Variants in RFX6 observed in about 807,000 individuals in gnomAD.
RFX6 encodes DNA-binding protein RFX6.
A neutral mutation model predicts 110.8 loss-of-function variants in RFX6; 50 were observed. That is an observed-to-expected ratio of 0.45 (90% CI 0.36 to 0.57). The LOEUF is 0.57. Among genes scored for constraint, RFX6 ranks in the 20% least tolerant of loss-of-function variants. The pLI, the probability that RFX6 is intolerant of heterozygous loss-of-function variation, is 0.00. For synonymous variants in RFX6, 383 were observed against 411.2 expected (o/e 0.93, Z 0.83); for missense variants, 990 against 1,127.0 (o/e 0.88, Z 1.74).
chr6:116,904,822 C>T (rs955945984), intron 6 of RFX6, among the ~76,000 whole-genome samples: 2 of 152,156 alleles, frequency 1.3e-5, no homozygotes, highest in Admixed American at 6.5e-5. Context: ...CAAGGTTCAT[C>T]CATGTTGTAG....
intron 6 of RFX6, among the ~76,000 whole-genome samples, chr6:116,909,651 GAA>G (rs1179437092): frequency 1.4e-5 from 2 of 141,558 alleles, no homozygotes; most frequent in Non-Finnish European, 3.0e-5. Context: ...GAATATACTT[GAA>G]AAGAGATTAA....
In RFX6 at chr6:116,922,155, CTTT is replaced by C; in HGVS notation, c.1437+7_1437+9del. 1 of 1,226,874 alleles carries C rather than the reference CTTT, an allele frequency of 8.2e-7. No individual in the cohort carries two copies. The highest frequency in any genetic ancestry group is 1.2e-6 in the Non-Finnish European group (1 of 828,090). The allele number at this position is 1,226,874 out of a possible 1,614,324, so 76.0% of individuals were successfully genotyped here. A position where few individuals can be genotyped will look rare whatever the true frequency, so the allele number is the denominator to read the frequency against. The stretch of plus-strand genomic sequence containing the variant: ...GGTAGAACAGAGAGTTATTAAGGTA[CTTT>C]TTAATGACAGATTCAGAAAATAAGT... On this transcript the variant is annotated splice_donor_5th_base_variant and intron_variant, in intron 13 of 18. Transcript: ENST00000332958.
Position 116,931,451 on chromosome 6 carries a change from C to T in RFX6, c.2732C>T (p.Ser911Phe). 6.2e-7 allele frequency: 1 copy of T among 1,613,458 alleles called. No individual in the cohort carries two copies. The highest frequency in any genetic ancestry group is 8.5e-7 in the Non-Finnish European group (1 of 1,179,430). ...SHGTSSREMV[S>F]SLPPINTVFM... ...GGAACAAGCAGTAGAGAAATGGTGT[C>T]CTCTTTACCACCTATCAACACTGTG... Residue 911 changes from serine (S) to phenylalanine (F), a missense_variant, in exon 19 of 19, where the codon TCC becomes TTC. By Grantham distance (155) the Ser-to-Phe change is radical. Around this residue, in one of 5 missense-constraint regions of RFX6, gnomAD observed 438 missense variants for 441.9 expected, o/e 0.99. Coordinates refer to ENST00000332958, the MANE Select transcript of RFX6 (RefSeq NM_173560.4).
intron 2 of RFX6, 120 bp from the exon 3 acceptor site, chr6:116,880,424 C>A: frequency 1.2e-6 from 1 of 833,958 alleles, no homozygotes; most frequent in Non-Finnish European, 1.9e-6. Flanking sequence ...ACGAAGTCTA[C>A]TTATGTCTAC....
chr6:116,930,974 G>A (rs58218306), intron 18 of RFX6, among the ~76,000 whole-genome samples: 1 of 152,066 alleles, frequency 6.6e-6, no homozygotes, highest in African/African-American at 2.4e-5. Context: ...GAGATCATGG[G>A]ACCAGTCAGG....
chr6:116,882,829 A>G (rs995046730), intron 4 of RFX6, among the ~76,000 whole-genome samples: 1 of 152,124 alleles, frequency 6.6e-6, no homozygotes, highest in Non-Finnish European at 1.5e-5. Flanking sequence ...TTTCTGAGAC[A>G]ATAATTTCTT....
At chr6:116,905,594 C>A (rs1278443967) in intron 6 of RFX6, among the ~76,000 whole-genome samples, 3 of 150,136 alleles carry the variant, frequency 2.0e-5, no homozygotes, top group Admixed American at 2.0e-4. Flanking sequence ...CACTCTGTCA[C>A]CAGGCTGGAG....
chr6:116,886,455 T>C (rs1335434368), intron 4 of RFX6, among the ~76,000 whole-genome samples: 2 of 152,196 alleles, frequency 1.3e-5, no homozygotes, highest in Non-Finnish European at 2.9e-5. Context: ...TGAAGCAATG[T>C]CACTCTCTAA....
intron 2 of RFX6, among the ~76,000 whole-genome samples, chr6:116,880,101 G>T (rs1305474487): frequency 6.6e-6 from 1 of 151,946 alleles, no homozygotes; most frequent in Non-Finnish European, 1.5e-5. Flanking sequence ...ATTATTCAGG[G>T]CTGAGAAATA....
chr6:116,910,010 C>T (rs1033852856), intron 6 of RFX6, among the ~76,000 whole-genome samples: 28 of 152,004 alleles, frequency 1.8e-4, no homozygotes, highest in African/African-American at 5.8e-4. Flanking sequence ...GTCTACTAAA[C>T]ATCTTCAATA....
chr6:116,893,144 T>C (rs922033709), intron 4 of RFX6, among the ~76,000 whole-genome samples: 1 of 152,132 alleles, frequency 6.6e-6, no homozygotes, highest in South Asian at 2.1e-4. Flanking sequence ...CAGTAGGTAG[T>C]GGTGCTTTAT....
Position 116,924,686 on chromosome 6 carries a change from C to T in RFX6, c.1573C>T (p.Arg525Ter), listed in dbSNP as rs766695745. 3.7e-6 allele frequency: 6 copies of T among 1,609,656 alleles called. No individual in the cohort carries two copies. Among genetic ancestry groups the T allele is most frequent in the African/African-American group, 1.3e-5 (1 of 74,878 alleles). ...ASSFGSFHLIRMLLDEYILLA... is the reference protein window; with the variant it reads ...ASSFGSFHLI The stretch of plus-strand genomic sequence containing the variant: ...TAAACAAGGTTCTTTTCATTTGATT[C>T]GAATGCTTCTCGATGAATACATTCT... The change falls in exon 15 of 19, where the codon CGA (arginine) becomes TGA (stop). Residue 525 changes from arginine to a stop codon, truncating the protein, a stop_gained. Transcript: ENST00000332958. LOFTEE classifies it high-confidence loss of function.
chr6:116,907,224 T>C (rs1262899361), intron 6 of RFX6, among the ~76,000 whole-genome samples: 3 of 152,138 alleles, frequency 2.0e-5, no homozygotes, highest in Non-Finnish European at 2.9e-5. Context: ...ATTTATGGTG[T>C]GTAATCCTGT....
intron 6 of RFX6, among the ~76,000 whole-genome samples, chr6:116,907,208 T>C (rs1677401429): frequency 6.6e-6 from 1 of 152,108 alleles, no homozygotes; most frequent in Admixed American, 6.6e-5. Context: ...GAAATAAATC[T>C]CACTTATTTA....
At chr6:116,919,353 T>C in intron 11 of RFX6, 57 bp downstream of exon 11, 1 of 1,490,662 alleles carries the variant, frequency 6.7e-7, no homozygotes, top group South Asian at 1.1e-5. Context: ...ATGAATCTTC[T>C]GAGAAGGACA....
intron 3 of RFX6, among the ~76,000 whole-genome samples, chr6:116,881,703 G>T (rs944172676): frequency 1.3e-5 from 2 of 151,916 alleles, no homozygotes; most frequent in Non-Finnish European, 2.9e-5. Flanking sequence ...TACCTTATGG[G>T]AATAATTCTT....
intron 12 of RFX6, among the ~76,000 whole-genome samples, chr6:116,921,549 C>T (rs1223481278): frequency 6.6e-6 from 1 of 152,092 alleles, no homozygotes; most frequent in Admixed American, 6.6e-5. Context: ...AAGATATATA[C>T]ACTTATTAAA....
intron 2 of RFX6, among the ~76,000 whole-genome samples, chr6:116,879,090 T>C (rs2114659023): frequency 6.6e-6 from 1 of 152,036 alleles, no homozygotes; most frequent in African/African-American, 2.4e-5. Context: ...AGATATATTA[T>C]TGAGCTGTTT....
At chr6:116,894,377 A>G (rs1774896466) in intron 5 of RFX6, among the ~76,000 whole-genome samples, 1 of 152,180 alleles carries the variant, frequency 6.6e-6, no homozygotes, top group African/African-American at 2.4e-5. Flanking sequence ...TGGATTCAAT[A>G]AAACAAAGGC....
Sources: gnomAD v4.1 joint callset for allele counts (sites outside exome capture counted in the v4.1 genomes callset) on GRCh38, gnomAD v4.1.1 for gene constraint, gnomAD v4.1.1 regional missense constraint, MANE v1.5 for transcripts, NCBI Gene and HGNC (gene_info 2026-07-23, HGNC 2026-07-21) for gene names.